Variants in PIP5K1A observed in about 807,000 individuals in gnomAD.
PIP5K1A encodes the protein phosphatidylinositol-4-phosphate 5-kinase type 1 alpha.
Under a neutral mutation model 72.9 loss-of-function variants are expected in PIP5K1A, and 46 were observed. The observed-to-expected ratio is 0.63, with a 90% CI of 0.50 to 0.81. The LOEUF (loss-of-function observed/expected upper bound fraction) is 0.81. Ranked by LOEUF, PIP5K1A falls within the 30% of genes least tolerant of loss-of-function variation. PIP5K1A has a pLI of 0.00. For synonymous variants in PIP5K1A, 228 were observed against 255.1 expected (o/e 0.89, Z 1.01); for missense variants, 458 against 706.1 (o/e 0.65, Z 3.98).
rs749375136 is a variant in PIP5K1A, at chr1:151,242,281, G to A, written c.1510+12G>A. The A allele has an allele frequency of 1.2e-6, 2 of 1,613,838 alleles. No homozygotes were observed. The highest frequency in any genetic ancestry group is 1.1e-5 in the South Asian group (1 of 91,082). On this transcript the variant is annotated intron_variant, in intron 13 of 15. Transcript: ENST00000368888. ...AGAAGTGGAGCCAGGTCAGCGCTAG[G>A]GCTGGGGTCCCCATGTGATTGGGTA...
At chr1:151,236,820 T>TA (rs1690938355) in intron 9 of PIP5K1A, 57 bp downstream of exon 9, 365 of 916,294 alleles carry the variant, frequency 4.0e-4, no homozygotes, top group Non-Finnish European at 5.3e-4. Flanking sequence ...ACTTTTCTTT[T>TA]CTTTTTTTTT....
At chr1:151,238,434 T>A (rs980687079) in intron 10 of PIP5K1A, 169 bp downstream of exon 10, 26 of 590,926 alleles carry the variant, frequency 4.4e-5, no homozygotes, top group Admixed American at 1.6e-4. Context: ...TGATTTTGCC[T>A]CTTTCCCCGG....
At chr1:151,208,069 A>G (rs1333226633) in intron 1 of PIP5K1A, among the ~76,000 whole-genome samples, 1 of 151,730 alleles carries the variant, frequency 6.6e-6, no homozygotes, top group East Asian at 1.9e-4. Flanking sequence ...ATGTTGGGTC[A>G]GGCTGTTCTC....
chr1:151,224,078 A>C (rs1489832079), intron 1 of PIP5K1A, 167 bp from the exon 2 acceptor site: 1 of 657,784 alleles, frequency 1.5e-6, no homozygotes, highest in Non-Finnish European at 2.8e-6. Context: ...ATGGAGAAGG[A>C]GAGAGGGACA....
At position 151,225,062 on chromosome 1, in the gene PIP5K1A, C is replaced by T. The variant is rs1019080531; in HGVS notation, c.156+656C>T. ...TAAGATTGGGACATCCAGCCAGTCA[C>T]GGTTGCTCATGCTTGTAATCCTAAC... On this transcript the variant is annotated intron_variant, in intron 3 of 15. Coordinates refer to ENST00000368888, the MANE Select transcript of PIP5K1A (RefSeq NM_001135638.2). 3.3e-5 allele frequency among the ~76,000 whole-genome samples: 5 copies of T among 152,186 alleles called. 1 individual carries two copies. The South Asian group carries it at 6.2e-4, about 19-fold the overall frequency.
chr1:151,205,618 C>T (rs879353909), intron 1 of PIP5K1A, among the ~76,000 whole-genome samples: 8 of 151,846 alleles, frequency 5.3e-5, no homozygotes, highest in Admixed American at 3.3e-4. Context: ...ACCAGCCTGG[C>T]GAAACCCTGT....
chr1:151,199,421 TG>T (rs1473767002), intron 1 of PIP5K1A, among the ~76,000 whole-genome samples: 1 of 152,090 alleles, frequency 6.6e-6, no homozygotes, highest in African/African-American at 2.4e-5. Flanking sequence ...GAGACGAGCC[TG>T]GCCAACATAG....
chr1:151,245,029 C>T (rs779568702), intron 14 of PIP5K1A, among the ~76,000 whole-genome samples: 2 of 151,778 alleles, frequency 1.3e-5, no homozygotes, highest in Non-Finnish European at 2.9e-5. Context: ...AGTGAGCCAC[C>T]GTATGTGGCC....
At position 151,224,380 on chromosome 1, in the gene PIP5K1A, G is replaced by T. The variant is rs796608225; in HGVS notation, c.130G>T (p.Ala44Ser). ...KRPMASEVLEARQDSYISLVP... is the reference protein window; with the variant it reads ...KRPMASEVLESRQDSYISLVP... Reference sequence around the variant, plus strand: ...TTTTTTCTCTACTTAGGTCTTGGAAGCTAGACAGGATTCTTACATCTCATT... The same window carrying T: ...TTTTTTCTCTACTTAGGTCTTGGAATCTAGACAGGATTCTTACATCTCATT... Residue 44 changes from alanine to serine, a missense_variant, in exon 3 of 16, where the codon GCT (alanine) becomes TCT (serine). Physicochemically the swap from Ala to Ser is moderately conservative, Grantham distance 99. Around this residue, in one of 3 missense-constraint regions of PIP5K1A, gnomAD observed 81 missense variants for 88.0 expected, o/e 0.92. Coordinates refer to ENST00000368888, the MANE Select transcript of PIP5K1A (RefSeq NM_001135638.2). The T allele has an allele frequency of 1.2e-6, 2 of 1,607,498 alleles. No homozygotes were observed. The highest frequency in any genetic ancestry group is 1.7e-6 in the Non-Finnish European group (2 of 1,174,246).
At chr1:151,225,743 T>A (rs895283331) in intron 3 of PIP5K1A, among the ~76,000 whole-genome samples, 6 of 152,158 alleles carry the variant, frequency 3.9e-5, no homozygotes, top group African/African-American at 1.2e-4. Context: ...GTGCTGGGAT[T>A]ACAGGTGTGA....
chr1:151,235,950 A>G (rs1690781201), intron 8 of PIP5K1A, among the ~76,000 whole-genome samples: 1 of 151,114 alleles, frequency 6.6e-6, no homozygotes, highest in African/African-American at 2.4e-5. Context: ...GTGAAACCCC[A>G]ACTCTACTAA....
chr1:151,207,070 A>T (rs1686041084), intron 1 of PIP5K1A, among the ~76,000 whole-genome samples: 1 of 151,810 alleles, frequency 6.6e-6, no homozygotes, highest in African/African-American at 2.4e-5. Context: ...AGGTTTCACC[A>T]TGTTGGCCAG....
chr1:151,211,671 G>A (rs954502436), intron 1 of PIP5K1A, among the ~76,000 whole-genome samples: 5 of 149,706 alleles, frequency 3.3e-5, no homozygotes, highest in Admixed American at 1.3e-4. Context: ...TGGCGGGCGC[G>A]TGTAGTCCCA....
At chr1:151,215,339 T>TC (rs1040130162) in intron 1 of PIP5K1A, among the ~76,000 whole-genome samples, 1 of 148,078 alleles carries the variant, frequency 6.8e-6, no homozygotes, top group African/African-American at 2.5e-5. Flanking sequence ...CACCCGGCCT[T>TC]TTTTTTTTTT....
intron 12 of PIP5K1A, among the ~76,000 whole-genome samples, chr1:151,241,252 A>C (rs587734482): frequency 6.6e-6 from 1 of 152,318 alleles, no homozygotes; most frequent in African/African-American, 2.4e-5. Context: ...CAGTAATCCC[A>C]GCATTTTAGG....
At chr1:151,196,550 A>ATTTTTTTTT (rs5777766), upstream of PIP5K1A, among the ~76,000 whole-genome samples, 14 of 114,764 alleles carry the variant, frequency 1.2e-4, no homozygotes, top group African/African-American at 4.7e-4. Context: ...ATGCATGGGG[A>ATTTTTTTTT]TTTTTTTTTT....
At chr1:151,238,525 C>A (rs898635741) in intron 10 of PIP5K1A, 96 of 443,544 alleles carry the variant, frequency 2.2e-4, no homozygotes, top group Non-Finnish European at 3.9e-4. Flanking sequence ...TTGGAAGCAC[C>A]AGGGTAGAAT....
intron 1 of PIP5K1A, among the ~76,000 whole-genome samples, chr1:151,210,109 C>T (rs976073987): frequency 6.6e-6 from 1 of 152,036 alleles, no homozygotes; most frequent in Non-Finnish European, 1.5e-5. Context: ...GTCTCGAACT[C>T]CTGACCTCAG....
At chr1:151,239,762 A>G (rs112595158) in intron 11 of PIP5K1A, among the ~76,000 whole-genome samples, 193 bp from the exon 12 acceptor site, 30 of 152,308 alleles carry the variant, frequency 2.0e-4, no homozygotes, top group African/African-American at 7.2e-4. Context: ...TCCTGACCTC[A>G]GGTGATCCGC....
Sources: allele counts gnomAD v4.1 joint callset (sites outside exome capture counted in the v4.1 genomes callset), GRCh38; gene constraint gnomAD v4.1.1; regional missense constraint gnomAD v4.1.1; transcripts MANE v1.5; gene names NCBI Gene and HGNC (gene_info 2026-07-23, HGNC 2026-07-21).